The following IL4I1 variants were observed in gnomAD, a reference collection of about 807,000 sequenced individuals.
IL4I1 encodes the protein interleukin 4 induced 1, also known as L-amino-acid oxidase.
Under a neutral mutation model 29.7 loss-of-function variants are expected in IL4I1, and 24 were observed. The observed-to-expected ratio is 0.81, with a 90% confidence interval of 0.59 to 1.14. IL4I1 has a LOEUF of 1.14. IL4I1 is among the 50% of genes most tolerant of loss of function. IL4I1 has a pLI of 0.00. For missense variants in IL4I1, 686 were observed against 785.6 expected (o/e 0.87, Z 1.52); for synonymous variants, 371 against 352.5 (o/e 1.05, Z -0.59).
intron 3 of IL4I1, among the ~76,000 whole-genome samples, chr19:49,903,856 T>TTTTTTTA (rs2075292557): frequency 6.8e-6 from 1 of 147,232 alleles, no homozygotes; most frequent in African/African-American, 2.5e-5. Flanking sequence ...TTTTTTTTTT[T>TTTTTTTA]GAGACAGGGT....
chr19:49,903,488 G>A (rs1387163360), intron 3 of IL4I1, among the ~76,000 whole-genome samples: 4 of 152,206 alleles, frequency 2.6e-5, no homozygotes, highest in Non-Finnish European at 5.9e-5. Flanking sequence ...CTGAAACCTG[G>A]CTGGGGGGCT....
intron 2 of IL4I1, among the ~76,000 whole-genome samples, chr19:49,919,967 T>G (rs2075725233): frequency 6.6e-6 from 1 of 152,146 alleles, no homozygotes. Context: ...TCACTCTGTC[T>G]CCCAGGCTGG....
intron 2 of IL4I1, among the ~76,000 whole-genome samples, chr19:49,923,340 G>A (rs2075809336): frequency 6.6e-6 from 1 of 152,192 alleles, no homozygotes; most frequent in African/African-American, 2.4e-5. Context: ...CACATTCGCT[G>A]GCCTCTGTGC....
chr19:49,907,844 T>G (rs2075358648), intron 2 of IL4I1: 1 of 336,216 alleles, frequency 3.0e-6, no homozygotes, highest in Non-Finnish European at 5.6e-6. Context: ...ACTTGGAGGT[T>G]CTCTTACATT....
intron 2 of IL4I1, among the ~76,000 whole-genome samples, chr19:49,924,552 G>A (rs1157523556): frequency 1.3e-5 from 2 of 152,170 alleles, no homozygotes; most frequent in Non-Finnish European, 2.9e-5. Flanking sequence ...AGAGTCCCCA[G>A]TAGCCCCACC....
intron 2 of IL4I1, among the ~76,000 whole-genome samples, chr19:49,923,886 T>C (rs540936151): frequency 1.3e-5 from 2 of 152,096 alleles, no homozygotes; most frequent in Non-Finnish European, 1.5e-5. Flanking sequence ...GCTCGGCAGA[T>C]GAGGGCCCTG....
chr19:49,917,264 A>G (rs372344048), intron 2 of IL4I1, among the ~76,000 whole-genome samples: 27 of 152,122 alleles, frequency 1.8e-4, no homozygotes, highest in Admixed American at 1.1e-3. Context: ...GCCTTCCCTC[A>G]CTTGCCCTCC....
intron 2 of IL4I1, among the ~76,000 whole-genome samples, chr19:49,923,305 T>G (rs1378572969): frequency 1.3e-5 from 2 of 152,196 alleles, no homozygotes; most frequent in African/African-American, 2.4e-5. Context: ...TTACCCTCCC[T>G]GGCTCCTCTC....
chr19:49,896,405 C>T (rs2075211656), intron 1 of IL4I1, among the ~76,000 whole-genome samples: 1 of 151,970 alleles, frequency 6.6e-6, no homozygotes, highest in Admixed American at 6.6e-5. Flanking sequence ...TCTCGGGTTC[C>T]TGTCTCTTTC....
chr19:49,894,795 A>T lies in IL4I1; in HGVS notation c.365+273T>A, dbSNP rs567614169. Among the ~76,000 whole-genome samples the T allele has an allele frequency of 1.8e-4, 28 of 151,640 alleles. No homozygotes were observed. In the South Asian group the frequency reaches 2.5e-3, roughly 14 times the overall value. ...GGCTGGGGTGCCTGAGGGTGTGGGG[A>T]TGGTGGAGCTGCAGGCCTGGAGGGG... On this transcript the variant is annotated intron_variant, in intron 4 of 7. Transcript: ENST00000391826.
At chr19:49,908,256 G>T in intron 2 of IL4I1, 1 of 1,613,430 alleles carries the variant, frequency 6.2e-7, no homozygotes. Context: ...AAGGTGATCC[G>T]GAAGCTGCGC....
At position 49,908,967 on chromosome 19, in the gene IL4I1, T is replaced by C. The variant is rs140091070; in HGVS notation, c.-227-4646A>G. The C allele has an allele frequency of 8.4e-5, 135 of 1,607,612 alleles. No individual in the cohort carries two copies. The African/African-American group carries it at 1.4e-3, about 17-fold the overall frequency. Reference sequence around the variant, plus strand: ...CCGGTGGTGCTGCTGCTGCTGGTGGTGGTGGCGGTGGCGGTGGCAGCGGTG... The same window carrying C: ...CCGGTGGTGCTGCTGCTGCTGGTGGCGGTGGCGGTGGCGGTGGCAGCGGTG... On this transcript the variant is annotated intron_variant, in intron 2 of 9. Coordinates refer to the IL4I1 transcript ENST00000341114.
upstream of IL4I1, among the ~76,000 whole-genome samples, chr19:49,900,052 G>T (rs2075258211): frequency 6.6e-6 from 1 of 152,026 alleles, no homozygotes; most frequent in Non-Finnish European, 1.5e-5. Context: ...GCCCAGCCTG[G>T]TCTCAAACTC....
Position 49,895,185 on chromosome 19 carries a change from G to C in IL4I1, c.253-5C>G, listed in dbSNP as rs753469430. The C allele has an allele frequency of 2.5e-6, 4 of 1,611,812 alleles. No homozygotes were observed. Among genetic ancestry groups the C allele is most frequent in the Non-Finnish European group, 3.4e-6 (4 of 1,178,202 alleles). Reference sequence around the variant, plus strand: ...ATCTGCCTCCAGGATGGTGACCTGAGGGAGTCCGTGGGGCGAGGAGGGCCC... The same window carrying C: ...ATCTGCCTCCAGGATGGTGACCTGACGGAGTCCGTGGGGCGAGGAGGGCCC... On this transcript the variant is annotated splice_region_variant and splice_polypyrimidine_tract_variant and intron_variant, in intron 3 of 7. Transcript: ENST00000391826.
Position 49,908,915 on chromosome 19 carries a change from G to A in IL4I1, c.-227-4594C>T, listed in dbSNP as rs867524159. The A allele has an allele frequency of 2.0e-5, 32 of 1,607,476 alleles. No homozygotes were observed. The highest frequency in any genetic ancestry group is 2.7e-5 in the African/African-American group (2 of 74,808). On this transcript the variant is annotated intron_variant, in intron 2 of 9. Transcript: ENST00000341114. ...TGTATTGCTGGGGATCCCGGCTGGCGCCAGTGGTTTTAAATTCAAGGCAAA... is the reference window on the plus strand; with the variant it reads ...TGTATTGCTGGGGATCCCGGCTGGCACCAGTGGTTTTAAATTCAAGGCAAA...
intron 2 of IL4I1, chr19:49,909,245 A>C (rs758877471): frequency 6.2e-7 from 1 of 1,614,052 alleles, no homozygotes; most frequent in Non-Finnish European, 8.5e-7. Flanking sequence ...AGTGAAGGGC[A>C]ACGTGGCAGG....
chr19:49,902,106 T>A (rs1376739648), intron 3 of IL4I1, among the ~76,000 whole-genome samples: 1 of 151,924 alleles, frequency 6.6e-6, no homozygotes, highest in Non-Finnish European at 1.5e-5. Context: ...TTCAAGTGGT[T>A]CTCCTGCCTC....
At position 49,908,980 on chromosome 19, in the gene IL4I1, G is replaced by C. The variant is rs199498986; in HGVS notation, c.-227-4659C>G. 16 of 1,608,694 alleles carry C rather than the reference G, an allele frequency of 9.9e-6. No individual in the cohort carries two copies. Among genetic ancestry groups the C allele is most frequent in the Non-Finnish European group, 9.3e-6 (11 of 1,176,780 alleles). On this transcript the variant is annotated intron_variant, in intron 2 of 9. Transcript: ENST00000341114. ...TGCTGCTGGTGGTGGTGGCGGTGGC[G>C]GTGGCAGCGGTGGATGTTGTTGTGG... is the stretch of plus-strand genomic sequence containing the variant.
chr19:49,904,556 A>AT (rs1157805844), intron 2 of IL4I1, among the ~76,000 whole-genome samples: 3 of 150,238 alleles, frequency 2.0e-5, no homozygotes, highest in Non-Finnish European at 3.0e-5. Flanking sequence ...AGAACTTAAA[A>AT]TTTTTTTTTT....
Sources: allele counts gnomAD v4.1 joint callset (sites outside exome capture counted in the v4.1 genomes callset), GRCh38; gene constraint gnomAD v4.1.1; transcripts MANE v1.5; gene names NCBI Gene and HGNC (gene_info 2026-07-23, HGNC 2026-07-21).